Variants in TRAPPC9 observed in about 807,000 individuals in gnomAD.
TRAPPC9 encodes the protein IKK2 binding protein.
In TRAPPC9, 83 loss-of-function variants were observed where a neutral mutation model predicts 124.0. That is an observed-to-expected ratio of 0.67 (90% confidence interval 0.56 to 0.80). TRAPPC9 has a LOEUF of 0.80. Among genes scored for constraint, TRAPPC9 ranks in the 30% least tolerant of loss-of-function variants. The pLI, the probability that TRAPPC9 is intolerant of heterozygous loss-of-function variation, is 0.00. For missense variants in TRAPPC9, 1,302 were observed against 1,508.3 expected (o/e 0.86, Z 2.27); for synonymous variants, 638 against 617.5 (o/e 1.03, Z -0.49).
chr8:140,039,177 C>G (rs1321646806), intron 17 of TRAPPC9, among the ~76,000 whole-genome samples: 1 of 152,256 alleles, frequency 6.6e-6, no homozygotes, highest in African/African-American at 2.4e-5. Context: ...ATCAAATCCA[C>G]TTTTACTGTC....
intron 5 of TRAPPC9, among the ~76,000 whole-genome samples, chr8:140,408,032 G>A (rs1486863606): frequency 3.3e-5 from 5 of 152,214 alleles, no homozygotes; most frequent in Admixed American, 3.3e-4. Flanking sequence ...AGAGAGCTTA[G>A]TGGGTCAGAC....
At chr8:139,843,899 C>T (rs1207035958) in intron 21 of TRAPPC9, among the ~76,000 whole-genome samples, 1 of 152,236 alleles carries the variant, frequency 6.6e-6, no homozygotes, top group Non-Finnish European at 1.5e-5. Context: ...ACCAGAGCAG[C>T]CTCCAGCCAC....
At chr8:140,346,297 C>T (rs935118291) in intron 9 of TRAPPC9, among the ~76,000 whole-genome samples, 8 of 152,180 alleles carry the variant, frequency 5.3e-5, no homozygotes, top group African/African-American at 9.7e-5. Context: ...AAAGGAACTG[C>T]GTGCCCCTCA....
rs151189299 is a variant in TRAPPC9, at chr8:139,845,388, G to A, written c.3055+40491C>T. Among the ~76,000 whole-genome samples, 8 of 152,282 alleles carry A rather than the reference G, an allele frequency of 5.3e-5. No individual in the cohort carries two copies. The East Asian group carries it at 1.5e-3, about 29-fold the overall frequency. Reference sequence around the variant, plus strand: ...ATATACGGGTTCCATAAAAGCGTACGACATTAAAACGCACTGGAGTGCCAG... The same window carrying A: ...ATATACGGGTTCCATAAAAGCGTACAACATTAAAACGCACTGGAGTGCCAG... On this transcript the variant is annotated intron_variant, in intron 21 of 22. Coordinates refer to ENST00000438773, the MANE Select transcript of TRAPPC9 (RefSeq NM_001160372.4).
chr8:139,896,332 G>A (rs1242795413), intron 20 of TRAPPC9, among the ~76,000 whole-genome samples: 1 of 152,188 alleles, frequency 6.6e-6, no homozygotes, highest in Non-Finnish European at 1.5e-5. Context: ...TAATGATGAT[G>A]ACAATAGTAG....
chr8:139,829,143 C>T (rs1276921669), intron 21 of TRAPPC9, among the ~76,000 whole-genome samples: 1 of 152,244 alleles, frequency 6.6e-6, no homozygotes, highest in Non-Finnish European at 1.5e-5. Flanking sequence ...CTGACTGTAA[C>T]ATACATATGT....
At position 140,439,313 on chromosome 8, in the gene TRAPPC9, G is replaced by A. The variant is rs538567581; in HGVS notation, c.585-116C>T. On this transcript the variant is annotated intron_variant, in intron 2 of 22. Coordinates refer to ENST00000438773, the MANE Select transcript of TRAPPC9 (RefSeq NM_001160372.4). ...AAAAATGCTAAGAAGGCAACTGTAG[G>A]CTCTATAATTTTAAGTCAGCAATAA... is the stretch of plus-strand genomic sequence containing the variant. 123 of 1,175,758 alleles carry A rather than the reference G, an allele frequency of 1.0e-4. 2 individuals are homozygous for A. In the South Asian group the frequency reaches 1.5e-3, roughly 15 times the overall value. The allele number at this position is 1,175,758 out of a possible 1,614,324, so 72.8% of individuals were successfully genotyped here.
chr8:140,207,787 G>C (rs149814757), intron 17 of TRAPPC9, among the ~76,000 whole-genome samples: 129 of 152,324 alleles, frequency 8.5e-4, no homozygotes, highest in African/African-American at 3.0e-3. Flanking sequence ...TTATACATTT[G>C]CTAGACAGGT....
Position 140,359,940 on chromosome 8 carries a change from A to G in TRAPPC9, c.1495+110T>C, listed in dbSNP as rs562027164. 8 of 1,462,304 alleles carry G rather than the reference A, an allele frequency of 5.5e-6. No homozygotes were observed. In the African/African-American group the frequency reaches 1.1e-4, roughly 20 times the overall value. The allele number at this position is 1,462,304 out of a possible 1,614,324, so 90.6% of individuals were successfully genotyped here. ...CCTTGTCACTGACGAAGAGCTGGGC[A>G]GCATCTTCCACCCACTGAAACCCAA... is the stretch of plus-strand genomic sequence containing the variant. On this transcript the variant is annotated intron_variant, in intron 9 of 22. Coordinates refer to ENST00000438773, the MANE Select transcript of TRAPPC9 (RefSeq NM_001160372.4).
chr8:140,374,570 CA>C (rs111455824), intron 7 of TRAPPC9, among the ~76,000 whole-genome samples: 78 of 133,372 alleles, frequency 5.8e-4, no homozygotes, highest in East Asian at 4.2e-4. Flanking sequence ...AACTCCATGT[CA>C]AAAAAAAAAA....
chr8:140,264,583 A>C (rs113173136), intron 15 of TRAPPC9, among the ~76,000 whole-genome samples: 16,371 of 133,394 alleles, frequency 0.12, 1,069 homozygotes, highest in Admixed American at 0.19. Flanking sequence ...GGGGGAAAGA[A>C]GAGAGAGAGA....
intron 16 of TRAPPC9, among the ~76,000 whole-genome samples, chr8:140,250,521 G>C (rs1328522139): frequency 2.0e-5 from 3 of 152,106 alleles, no homozygotes; most frequent in East Asian, 1.9e-4. Context: ...CCACAAATGA[G>C]CCTCTGCCAC....
chr8:139,896,408 A>G (rs1314482072), intron 20 of TRAPPC9, among the ~76,000 whole-genome samples: 2 of 152,236 alleles, frequency 1.3e-5, no homozygotes, highest in East Asian at 3.8e-4. Context: ...TGCCCTGGGT[A>G]AGTGCTCAAC....
intron 20 of TRAPPC9, among the ~76,000 whole-genome samples, chr8:139,897,919 C>T (rs1316074426): frequency 6.6e-6 from 1 of 152,230 alleles, no homozygotes; most frequent in African/African-American, 2.4e-5. Context: ...TTGTGTTGCC[C>T]CTTGAAGAGG....
intron 21 of TRAPPC9, among the ~76,000 whole-genome samples, chr8:139,870,950 G>C (rs1219200433): frequency 6.6e-6 from 1 of 152,192 alleles, no homozygotes; most frequent in East Asian, 1.9e-4. Flanking sequence ...CTTGGAAGTG[G>C]GGAGTGGGGC....
At chr8:140,125,099 T>C (rs1459172094) in intron 17 of TRAPPC9, among the ~76,000 whole-genome samples, 1 of 152,154 alleles carries the variant, frequency 6.6e-6, no homozygotes, top group Non-Finnish European at 1.5e-5. Flanking sequence ...CTCACGGGGC[T>C]GCGAGGGGAA....
At chr8:140,450,761 A>G (rs1164255645) in intron 2 of TRAPPC9, 29 bp downstream of exon 2, 15 of 1,560,316 alleles carry the variant, frequency 9.6e-6, no homozygotes, top group Non-Finnish European at 1.2e-5. Context: ...CAGGGAAGCC[A>G]AGGGGCCTGG....
At chr8:139,974,942 G>A (rs1302267976) in intron 19 of TRAPPC9, among the ~76,000 whole-genome samples, 1 of 152,008 alleles carries the variant, frequency 6.6e-6, no homozygotes, top group Non-Finnish European at 1.5e-5. Context: ...TGCCTGCTCT[G>A]CCTCCCATCA....
chr8:140,112,128 C>T (rs1039425965), intron 17 of TRAPPC9, among the ~76,000 whole-genome samples: 2 of 152,258 alleles, frequency 1.3e-5, no homozygotes, highest in African/African-American at 4.8e-5. Context: ...CTCGCCTTGC[C>T]TTGGGCACGA....
Sources: allele counts gnomAD v4.1 joint callset (sites outside exome capture counted in the v4.1 genomes callset), GRCh38; gene constraint gnomAD v4.1.1; transcripts MANE v1.5; gene names NCBI Gene and HGNC (gene_info 2026-07-23, HGNC 2026-07-21).